Variants in C12orf42 observed in about 807,000 individuals in gnomAD.
The protein encoded by C12orf42 is uncharacterized protein C12orf42.
In C12orf42, 25 loss-of-function variants were observed where a neutral mutation model predicts 21.6. The ratio of observed to expected loss-of-function variants is 1.16; its 90% CI spans 0.84 to 1.62. The LOEUF (loss-of-function observed/expected upper bound fraction) is 1.62. Ranked by LOEUF, C12orf42 falls within the 40% of genes most tolerant of loss-of-function variation. The pLI, the probability that C12orf42 is intolerant of heterozygous loss-of-function variation, is 0.00. For missense variants in C12orf42, 483 were observed against 459.3 expected (o/e 1.05, Z -0.47); for synonymous variants, 174 against 175.0 (o/e 0.99, Z 0.05).
chr12:103,340,101 T>C (rs955836811), intron 4 of C12orf42, among the ~76,000 whole-genome samples: 1 of 152,198 alleles, frequency 6.6e-6, no homozygotes, highest in Non-Finnish European at 1.5e-5. Context: ...CAGAGCCTCA[T>C]GGACTCCTTG....
At chr12:103,377,482 A>G (rs1415127868) in intron 3 of C12orf42, among the ~76,000 whole-genome samples, 3 of 152,026 alleles carry the variant, frequency 2.0e-5, no homozygotes, top group Non-Finnish European at 4.4e-5. Context: ...CACCAGCCCA[A>G]GAATGTATTT....
chr12:103,181,337 A>G, the C12orf42 span, among the ~76,000 whole-genome samples: 1 of 152,176 alleles, frequency 6.6e-6, no homozygotes, highest in Non-Finnish European at 1.5e-5. Context: ...TGAATTAGGA[A>G]GCAATATTCC....
chr12:103,158,910 T>C, the C12orf42 span, among the ~76,000 whole-genome samples: 29 of 150,506 alleles, frequency 1.9e-4, no homozygotes, highest in South Asian at 6.1e-3. Context: ...AGTCTAGATA[T>C]CCTAAAGCTG....
chr12:103,344,670 T>C (rs1416970244), intron 4 of C12orf42, among the ~76,000 whole-genome samples: 1 of 152,172 alleles, frequency 6.6e-6, no homozygotes, highest in Non-Finnish European at 1.5e-5. Context: ...GCACAGGGGC[T>C]AGATCAACTG....
At chr12:103,113,343 T>C in the C12orf42 span, among the ~76,000 whole-genome samples, 1 of 152,204 alleles carries the variant, frequency 6.6e-6, no homozygotes, top group African/African-American at 2.4e-5. Context: ...AAATATTTAG[T>C]GGATTTCAGA....
the C12orf42 span, among the ~76,000 whole-genome samples, chr12:103,214,123 A>G: frequency 6.6e-6 from 1 of 152,232 alleles, no homozygotes; most frequent in Non-Finnish European, 1.5e-5. Context: ...CTTAACTTGA[A>G]TACTGAACTT....
At chr12:103,544,811 C>T in the C12orf42 span, among the ~76,000 whole-genome samples, 3 of 151,924 alleles carry the variant, frequency 2.0e-5, no homozygotes, top group African/African-American at 7.2e-5. Context: ...TTTTTTCCCG[C>T]TTTATCTAGT....
intron 2 of C12orf42, among the ~76,000 whole-genome samples, chr12:103,446,443 T>C (rs886783171): frequency 6.6e-5 from 10 of 151,754 alleles, no homozygotes; most frequent in African/African-American, 2.4e-4. Context: ...TATATAACAA[T>C]AACACAATTT....
chr12:103,220,252 G>T, the C12orf42 span, among the ~76,000 whole-genome samples: 67 of 152,212 alleles, frequency 4.4e-4, 1 homozygote, highest in African/African-American at 1.5e-3. Flanking sequence ...TCACACCAGG[G>T]CCTCTCAGGG....
At chr12:103,359,735 T>C (rs1347258965) in intron 4 of C12orf42, among the ~76,000 whole-genome samples, 1 of 151,950 alleles carries the variant, frequency 6.6e-6, no homozygotes, top group Non-Finnish European at 1.5e-5. Flanking sequence ...GCTTATTTAT[T>C]ATTTAGTTAT....
At chr12:103,302,959 A>T (rs1441438163) in intron 5 of C12orf42, among the ~76,000 whole-genome samples, 4 of 152,208 alleles carry the variant, frequency 2.6e-5, no homozygotes, top group Admixed American at 2.0e-4. Context: ...AAGCGGAGTT[A>T]TTAATGGATA....
chr12:103,189,147 G>A, the C12orf42 span, among the ~76,000 whole-genome samples: 1 of 152,120 alleles, frequency 6.6e-6, no homozygotes, highest in Non-Finnish European at 1.5e-5. Flanking sequence ...AACAAGGCTG[G>A]GATTAACACA....
intron 1 of C12orf42, among the ~76,000 whole-genome samples, chr12:103,489,801 C>T (rs573370428): frequency 3.9e-5 from 6 of 152,332 alleles, no homozygotes; most frequent in Middle Eastern, 3.4e-3. Context: ...CTAAGACTAT[C>T]GGAAAAGTAC....
At chr12:103,357,047 C>T (rs1205843785) in intron 4 of C12orf42, among the ~76,000 whole-genome samples, 2 of 147,838 alleles carry the variant, frequency 1.4e-5, no homozygotes, top group East Asian at 4.1e-4. Context: ...ATCGCAAGGA[C>T]AAAAAAACCA....
chr12:103,104,643 G>A, the C12orf42 span, among the ~76,000 whole-genome samples: 1 of 152,214 alleles, frequency 6.6e-6, no homozygotes, highest in Admixed American at 6.5e-5. Flanking sequence ...TTTTCACCAT[G>A]TTGGCCGGGA....
chr12:103,174,993 T>C, the C12orf42 span, among the ~76,000 whole-genome samples: 1 of 152,232 alleles, frequency 6.6e-6, no homozygotes, highest in Non-Finnish European at 1.5e-5. Context: ...TGATTACCAT[T>C]TGACAAATCA....
rs577951437 is a variant in C12orf42 at position 103,294,287 on chromosome 12, C to A, written n.338-17077G>T. Among the ~76,000 whole-genome samples, 56 of 149,120 alleles carry A rather than the reference C, an allele frequency of 3.8e-4. No individual in the cohort carries two copies. The South Asian group carries it at 0.012, about 31-fold the overall frequency. On this transcript the variant is annotated intron_variant and non_coding_transcript_variant, in intron 4 of 6. Coordinates refer to the C12orf42 transcript ENST00000546526. ...CTGACTTACAAAATTGGATTGATTC[C>A]CATAGAGGAGGGAAAACACAGAGCA...
chr12:103,470,501 C>T (rs1284089088), intron 2 of C12orf42, among the ~76,000 whole-genome samples: 3 of 152,196 alleles, frequency 2.0e-5, no homozygotes, highest in Admixed American at 1.3e-4. Flanking sequence ...CTTGTTACCA[C>T]GCCTTTAAAA....
intron 1 of C12orf42, among the ~76,000 whole-genome samples, chr12:103,479,444 C>T (rs1010618034): frequency 6.6e-6 from 1 of 152,066 alleles, no homozygotes; most frequent in Non-Finnish European, 1.5e-5. Context: ...TAAATACTAA[C>T]ACTCATGAAT....
Sources: gnomAD v4.1 joint callset for allele counts (sites outside exome capture counted in the v4.1 genomes callset) on GRCh38, gnomAD v4.1.1 for gene constraint, MANE v1.5 for transcripts, NCBI Gene and HGNC (gene_info 2026-07-23, HGNC 2026-07-21) for gene names.